Variants in ZNF746 observed in about 807,000 individuals in gnomAD.
ZNF746 encodes zinc finger protein 746, also known as parkin-interacting substrate.
In ZNF746, 13 loss-of-function variants were observed where a neutral mutation model predicts 41.0. The ratio of observed to expected loss-of-function variants is 0.32; its 90% CI spans 0.21 to 0.50. ZNF746 has a LOEUF of 0.50. Among genes scored for constraint, ZNF746 ranks in the 20% least tolerant of loss-of-function variants. The pLI, the probability that ZNF746 is intolerant of heterozygous loss-of-function variation, is 0.98. For synonymous variants in ZNF746, 424 were observed against 396.2 expected (o/e 1.07, Z -0.83); for missense variants, 811 against 922.9 (o/e 0.88, Z 1.57).
intron 4 of ZNF746, among the ~76,000 whole-genome samples, chr7:149,483,118 A>C (rs1800528424): frequency 6.6e-6 from 1 of 152,236 alleles, no homozygotes. Context: ...ATTAAGTTTG[A>C]AATCAATAAC....
intron 4 of ZNF746, among the ~76,000 whole-genome samples, chr7:149,485,992 T>C (rs1044389044): frequency 9.9e-5 from 15 of 152,014 alleles, no homozygotes; most frequent in African/African-American, 3.1e-4. Flanking sequence ...TGAGCCAAGA[T>C]TGCACCACTG....
At chr7:149,479,464 T>A (rs1800420403) in intron 4 of ZNF746, among the ~76,000 whole-genome samples, 1 of 152,208 alleles carries the variant, frequency 6.6e-6, no homozygotes, top group Non-Finnish European at 1.5e-5. Context: ...TAATCTCATA[T>A]ATGAACAGAT....
chr7:149,488,696 C>A (rs563089460), intron 4 of ZNF746: 1 of 152,316 alleles, frequency 6.6e-6, no homozygotes, highest in African/African-American at 2.4e-5. Context: ...ATTATGGAAA[C>A]TGGGCAGACG....
rs1163472328 is a variant in ZNF746 at position 149,497,422 on chromosome 7, C to A, written c.24+91G>T. 1.2e-5 allele frequency: 12 copies of A among 1,031,048 alleles called. No individual in the cohort carries two copies. In the East Asian group the frequency reaches 8.9e-4, roughly 76 times the overall value. 63.9% of individuals were successfully genotyped at this position (1,031,048 alleles called of 1,614,324 possible). ...CGGTGGTCCGGCCCGGACCCCGGAA[C>A]CCCTCCCCAGGGCCTGCGGCGCCGT... On this transcript the variant is annotated intron_variant, in intron 1 of 6. Coordinates refer to ENST00000458143, the MANE Select transcript of ZNF746 (RefSeq NM_001394198.1). This position sits in a 1 kb window ranked among gnomAD's most constrained non-coding sequence, Gnocchi z 4.2.
chr7:149,484,133 G>T (rs966312052), intron 4 of ZNF746, among the ~76,000 whole-genome samples: 1 of 152,096 alleles, frequency 6.6e-6, no homozygotes, highest in Non-Finnish European at 1.5e-5. Flanking sequence ...ACTAAATGTT[G>T]AAGGAATAGA....
At chr7:149,492,801 T>G in intron 4 of ZNF746, 58 bp downstream of exon 4, 3 of 1,248,132 alleles carry the variant, frequency 2.4e-6, no homozygotes, top group Non-Finnish European at 3.5e-6. Context: ...TTCTGGCCTT[T>G]CCGTCTCTGT....
At chr7:149,493,173 AGAGGTGACTGGC>A (rs1800867775) in intron 3 of ZNF746, among the ~76,000 whole-genome samples, 1 of 152,090 alleles carries the variant, frequency 6.6e-6, no homozygotes, top group Non-Finnish European at 1.5e-5. Flanking sequence ...GGGCTGGGGG[AGAGGTGACTGGC>A]ATCTGGAGAT....
chr7:149,477,149 G>A (rs1258514654), intron 5 of ZNF746, 102 bp from the exon 6 acceptor site: 5 of 1,421,108 alleles, frequency 3.5e-6, no homozygotes, highest in African/African-American at 2.9e-5. Flanking sequence ...TCCCCCCACT[G>A]GGGGCTTTTC....
chr7:149,482,983 A>G (rs1800525634), intron 4 of ZNF746, among the ~76,000 whole-genome samples: 1 of 152,246 alleles, frequency 6.6e-6, no homozygotes, highest in African/African-American at 2.4e-5. Context: ...AAACACAGAG[A>G]AAACACAAGC....
chr7:149,497,520 G>T lies in ZNF746; in HGVS notation c.17C>A (p.Ala6Glu). ...CGCGCGGGTCGCCCTTACCGGAGCCGCGACCGCCTCGGCCATGGCCCTGCG... is the reference window on the plus strand; with the variant it reads ...CGCGCGGGTCGCCCTTACCGGAGCCTCGACCGCCTCGGCCATGGCCCTGCG... MAEAV[A>E]APISPWTMAA... The change falls in exon 1 of 7, where the codon GCG becomes GAG. Residue 6 changes from alanine (A) to glutamate (E), a missense_variant. Transcript: ENST00000458143. The surrounding 1 kb of genome is among the most constrained non-coding windows in gnomAD (Gnocchi z 4.2). 9.1e-7 allele frequency: 1 copy of T among 1,101,988 alleles called. No homozygotes were observed. The allele number at this position is 1,101,988 out of a possible 1,614,324, so 68.3% of individuals were successfully genotyped here. A position where few individuals can be genotyped will look rare whatever the true frequency, so the allele number is the denominator to read the frequency against.
chr7:149,483,959 A>G (rs552513726), intron 4 of ZNF746, among the ~76,000 whole-genome samples: 1 of 152,264 alleles, frequency 6.6e-6, no homozygotes, highest in Admixed American at 6.5e-5. Context: ...TAATTTGAAA[A>G]CTCTGGGGAA....
Position 149,497,219 on chromosome 7 carries a change from G to A in ZNF746, c.24+294C>T, listed in dbSNP as rs1453323630. 5.1e-6 allele frequency: 5 copies of A among 983,620 alleles called. No individual in the cohort carries two copies. The highest frequency in any genetic ancestry group is 4.7e-5 in the South Asian group (1 of 21,246). 60.9% of individuals were successfully genotyped at this position (983,620 alleles called of 1,614,324 possible). A position where few individuals can be genotyped will look rare whatever the true frequency, so the allele number is the denominator to read the frequency against. On this transcript the variant is annotated intron_variant, in intron 1 of 6. Transcript: ENST00000458143. The surrounding 1 kb of genome is among the most constrained non-coding windows in gnomAD (Gnocchi z 4.2). ...GGTGGGGGGGCACCCAGAAGGAGGG[G>A]ACAGCGGCTGGGGCGGGGGCAGGAA...
intron 4 of ZNF746, among the ~76,000 whole-genome samples, chr7:149,478,409 G>A (rs1800383341): frequency 1.3e-5 from 2 of 152,190 alleles, no homozygotes; most frequent in African/African-American, 4.8e-5. Context: ...CTTGTCCAGG[G>A]CTATGTGTGG....
In ZNF746 at chr7:149,492,953, G is replaced by C. The variant is rs751295671; in HGVS notation, c.471C>G (p.Pro157=). The C allele has an allele frequency of 6.2e-7, 1 of 1,613,896 alleles. No homozygotes were observed. ...LVSLDYAISK[P]EVLSQIEQGK... is the part of the protein sequence containing the mutation. The stretch of plus-strand genomic sequence containing the variant: ...CTTGTTCAATCTGGGAGAGGACCTC[G>C]GGCTTGGAGATGGCGTAGTCTGAGG... Residue 157 remains proline (P), a synonymous_variant, in exon 4 of 7, where the codon CCC becomes CCG. Coordinates refer to ENST00000458143, the MANE Select transcript of ZNF746 (RefSeq NM_001394198.1).
chr7:149,475,013 G>A lies in ZNF746; in HGVS notation c.1354C>T (p.His452Tyr), dbSNP rs1190718611. The change falls in exon 7 of 7, where the codon CAC becomes TAC. Residue 452 changes from histidine (H) to tyrosine (Y), a missense_variant. Physicochemically the swap from His to Tyr is moderately conservative, Grantham distance 83. Around this residue, in one of 4 missense-constraint regions of ZNF746, gnomAD observed 495 missense variants for 481.6 expected, o/e 1.03. Coordinates refer to ENST00000458143, the MANE Select transcript of ZNF746 (RefSeq NM_001394198.1). ...GGGTGCTTCTTCAGCCCTGGCTTGT[G>A]GCCAAAGCCTTTGGTCCGGCCAGGG... ...KYPGRTKGFG[H>Y]KPGLKKHPAA... 6.4e-7 allele frequency: 1 copy of A among 1,551,862 alleles called. No homozygotes were observed. Among genetic ancestry groups the A allele is most frequent in the Admixed American group, 2.0e-5 (1 of 50,336 alleles).
intron 4 of ZNF746, chr7:149,491,956 G>C (rs779956778): frequency 1.4e-6 from 1 of 702,810 alleles, no homozygotes; most frequent in South Asian, 1.5e-5. Context: ...GCTGATATCT[G>C]GTAACAAGAT....
At chr7:149,482,415 A>G (rs530738994) in intron 4 of ZNF746, among the ~76,000 whole-genome samples, 2 of 152,390 alleles carry the variant, frequency 1.3e-5, no homozygotes, top group African/African-American at 4.8e-5. Flanking sequence ...ATAGAAATAA[A>G]AAGAATTACT....
intron 1 of ZNF746, among the ~76,000 whole-genome samples, chr7:149,495,953 G>T (rs1174938843): frequency 1.4e-5 from 2 of 147,212 alleles, no homozygotes; most frequent in East Asian, 3.9e-4. Flanking sequence ...TACAGCACCT[G>T]GGTGGGCCAG....
At position 149,491,865 on chromosome 7, in the gene ZNF746, G is replaced by C. The variant is rs1175633317; in HGVS notation, c.565+994C>G. On this transcript the variant is annotated intron_variant, in intron 4 of 6. Coordinates refer to ENST00000458143, the MANE Select transcript of ZNF746 (RefSeq NM_001394198.1). Reference sequence around the variant, plus strand: ...AATGACCCAGCAGGTCTTCACTTTAGGAATTTGGTTTTTCTCCTGTGTCCA... The same window carrying C: ...AATGACCCAGCAGGTCTTCACTTTACGAATTTGGTTTTTCTCCTGTGTCCA... The C allele has an allele frequency of 1.9e-5, 13 of 701,106 alleles. 1 individual carries two copies. The highest frequency in any genetic ancestry group is 1.6e-4 in the South Asian group (11 of 67,518). 43.4% of individuals were successfully genotyped at this position (701,106 alleles called of 1,614,324 possible). A position where few individuals can be genotyped will look rare whatever the true frequency, so the allele number is the denominator to read the frequency against.
Sources: gnomAD v4.1 joint callset for allele counts (sites outside exome capture counted in the v4.1 genomes callset) on GRCh38, gnomAD v4.1.1 for gene constraint, gnomAD v4.1.1 regional missense constraint, Gnocchi (gnomAD v3.1) non-coding constraint, MANE v1.5 for transcripts, NCBI Gene and HGNC (gene_info 2026-07-23, HGNC 2026-07-21) for gene names.